DOCK2: variants seen among roughly 807,000 people sequenced by gnomAD.
The protein encoded by DOCK2 is dedicator of cytokinesis protein 2.
DOCK2 carries 87 observed loss-of-function variants against 248.9 expected under a neutral mutation model. That is an observed-to-expected ratio of 0.35 (90% CI 0.29 to 0.42). The LOEUF is 0.42. DOCK2 is among the 10% of genes least tolerant of loss of function. DOCK2 has a pLI of 1.00. For missense variants in DOCK2, 1,747 were observed against 2,300.2 expected, an observed-to-expected ratio of 0.76 and a Z score of 4.92; for synonymous variants, 805 against 821.6, an observed-to-expected ratio of 0.98 and a Z score of 0.35.
intron 26 of DOCK2, among the ~76,000 whole-genome samples, chr5:169,833,442 C>T (rs1769360905): frequency 6.6e-6 from 1 of 152,090 alleles, no homozygotes; most frequent in African/African-American, 2.4e-5. Flanking sequence ...AAAAGTATTT[C>T]ATAAGCCAGC....
intron 30 of DOCK2, among the ~76,000 whole-genome samples, chr5:170,001,089 T>A (rs1754815072): frequency 6.6e-6 from 1 of 152,122 alleles, no homozygotes; most frequent in South Asian, 2.1e-4. Context: ...CTTCAGCTTT[T>A]AGGCCCCAGA....
chr5:169,785,030 T>C (rs867690098), intron 25 of DOCK2, among the ~76,000 whole-genome samples: 5 of 152,196 alleles, frequency 3.3e-5, no homozygotes, highest in African/African-American at 7.2e-5. Flanking sequence ...TTCTTATTCA[T>C]GTCATGTCCT....
intron 20 of DOCK2, among the ~76,000 whole-genome samples, chr5:169,716,960 G>T (rs1180158666): frequency 6.6e-6 from 1 of 152,168 alleles, no homozygotes; most frequent in African/African-American, 2.4e-5. Context: ...GCTTAATCAA[G>T]TGCTTCCCCA....
intron 1 of DOCK2, among the ~76,000 whole-genome samples, chr5:169,643,576 A>G (rs1757272948): frequency 6.6e-6 from 1 of 152,116 alleles, no homozygotes. Flanking sequence ...TGCTGATCTG[A>G]CAGGAGGCAG....
intron 27 of DOCK2, among the ~76,000 whole-genome samples, chr5:169,853,444 T>A (rs1182267864): frequency 6.6e-6 from 1 of 152,202 alleles, no homozygotes; most frequent in African/African-American, 2.4e-5. Flanking sequence ...TCAAAACCCA[T>A]TTTTCCAGAT....
intron 27 of DOCK2, among the ~76,000 whole-genome samples, chr5:169,948,055 G>C (rs1776515563): frequency 6.6e-6 from 1 of 152,080 alleles, no homozygotes; most frequent in South Asian, 2.1e-4. Context: ...GACCCAGAGA[G>C]CTCATCTTGT....
intron 20 of DOCK2, 33 bp downstream of exon 20, chr5:169,716,335 C>T (rs761396741): frequency 6.2e-7 from 1 of 1,601,728 alleles, no homozygotes; most frequent in Non-Finnish European, 8.6e-7. Flanking sequence ...CTAGTGACAA[C>T]AGGCATTAAT....
At chr5:169,804,851 C>A (rs1767256300) in intron 26 of DOCK2, among the ~76,000 whole-genome samples, 1 of 152,134 alleles carries the variant, frequency 6.6e-6, no homozygotes, top group African/African-American at 2.4e-5. Flanking sequence ...ACTCCTACCT[C>A]ATTTAATGGA....
At chr5:169,823,639 TTA>T (rs1267295400) in intron 26 of DOCK2, among the ~76,000 whole-genome samples, 1 of 152,128 alleles carries the variant, frequency 6.6e-6, no homozygotes, top group Non-Finnish European at 1.5e-5. Context: ...TGAGAGCTAT[TTA>T]TGACAAACCC....
intron 10 of DOCK2, among the ~76,000 whole-genome samples, chr5:169,698,089 T>C (rs961869913): frequency 9.2e-5 from 14 of 152,238 alleles, no homozygotes; most frequent in African/African-American, 2.9e-4. Flanking sequence ...CAGCCACGGC[T>C]CTGACCCTTT....
At position 169,699,468 on chromosome 5, in the gene DOCK2, C is replaced by T. The variant is rs1158420664; in HGVS notation, c.1132+10C>T. The T allele has an allele frequency of 6.2e-7, 1 of 1,609,812 alleles. No homozygotes were observed. The highest frequency in any genetic ancestry group is 8.5e-7 in the Non-Finnish European group (1 of 1,177,524). Reference sequence around the variant, plus strand: ...GACAGTGGAGGGCAAGGTAAAGTGCCAATATGCCAGTGGGCTGAGCCTGCT... The same window carrying T: ...GACAGTGGAGGGCAAGGTAAAGTGCTAATATGCCAGTGGGCTGAGCCTGCT... On this transcript the variant is annotated intron_variant, in intron 12 of 51. Coordinates refer to ENST00000520908, the MANE Select transcript of DOCK2 (RefSeq NM_004946.3).
chr5:169,906,171 G>A (rs1774264118), intron 27 of DOCK2, among the ~76,000 whole-genome samples: 1 of 152,152 alleles, frequency 6.6e-6, no homozygotes, highest in Admixed American at 6.5e-5. Context: ...ATTACTACAT[G>A]CCAGGCATTG....
intron 27 of DOCK2, among the ~76,000 whole-genome samples, chr5:169,970,378 A>T (rs530225096): frequency 5.9e-5 from 9 of 152,254 alleles, no homozygotes; most frequent in Admixed American, 5.9e-4. Context: ...AGGTTCATTT[A>T]TCCTGGGCAT....
At chr5:169,693,203 G>C (rs900464) in intron 9 of DOCK2, among the ~76,000 whole-genome samples, 13,058 of 152,194 alleles carry the variant, frequency 0.086, 718 homozygotes, top group African/African-American at 0.16. Flanking sequence ...AAGATGGAAA[G>C]GATGTGGATA....
intron 14 of DOCK2, 194 bp downstream of exon 14, chr5:169,702,621 A>T: frequency 1.6e-6 from 1 of 627,094 alleles, no homozygotes; most frequent in South Asian, 3.0e-5. Context: ...ATATTTCCTT[A>T]CACCAAAGCA....
intron 1 of DOCK2, among the ~76,000 whole-genome samples, chr5:169,637,795 A>G (rs990050298): frequency 2.0e-5 from 3 of 151,824 alleles, no homozygotes; most frequent in Non-Finnish European, 4.4e-5. Context: ...AGCGACACCC[A>G]TTTGCCTGCT....
chr5:169,827,113 G>T (rs919552076), intron 26 of DOCK2, among the ~76,000 whole-genome samples: 1 of 152,044 alleles, frequency 6.6e-6, no homozygotes, highest in African/African-American at 2.4e-5. Context: ...AATTTGTCTT[G>T]GGTGGAACCT....
intron 24 of DOCK2, among the ~76,000 whole-genome samples, chr5:169,760,958 A>G (rs1372517739): frequency 6.6e-6 from 1 of 152,224 alleles, no homozygotes; most frequent in Non-Finnish European, 1.5e-5. Context: ...GGGAAGAGCT[A>G]TCTCCCTTTT....
chr5:169,968,349 C>A (rs922569682), intron 27 of DOCK2, among the ~76,000 whole-genome samples: 1 of 152,172 alleles, frequency 6.6e-6, no homozygotes, highest in South Asian at 2.1e-4. Context: ...TCCAGCCACT[C>A]CCCTCCTTGA....
Sources: allele counts gnomAD v4.1 joint callset (sites outside exome capture counted in the v4.1 genomes callset), GRCh38; gene constraint gnomAD v4.1.1; transcripts MANE v1.5; gene names NCBI Gene and HGNC (gene_info 2026-07-23, HGNC 2026-07-21).